The following SPRR2G variants were observed in gnomAD, a reference collection of about 807,000 sequenced individuals.
The protein encoded by SPRR2G is small proline rich protein 2G.
SPRR2G carries 1 observed loss-of-function variant against 0.7 expected under a neutral mutation model. That is an observed-to-expected ratio of 1.49 (90% CI 0.53 to 7.06). SPRR2G has a LOEUF of 7.06. Ranked by LOEUF, SPRR2G falls within the 30% of genes most tolerant of loss-of-function variation. The pLI, the probability that SPRR2G is intolerant of heterozygous loss-of-function variation, is 0.14. For synonymous variants in SPRR2G, 38 were observed against 33.9 expected (o/e 1.12, Z -0.42); for missense variants, 96 against 88.5 (o/e 1.09, Z -0.34).
At chr1:153,167,859 T>A in the SPRR2G span, among the ~76,000 whole-genome samples, 4 of 152,188 alleles carry the variant, frequency 2.6e-5, no homozygotes, top group African/African-American at 9.6e-5. Flanking sequence ...TTTAAGAAGA[T>A]TCAACAAAAA....
chr1:153,162,967 C>T, the SPRR2G span, among the ~76,000 whole-genome samples: 21 of 152,090 alleles, frequency 1.4e-4, no homozygotes, highest in Admixed American at 8.5e-4. Context: ...CCTAAAATGA[C>T]AATAAAGAAT....
the SPRR2G span, among the ~76,000 whole-genome samples, chr1:153,183,972 G>A: frequency 6.6e-6 from 1 of 152,194 alleles, no homozygotes; most frequent in Admixed American, 6.5e-5. Flanking sequence ...TTATTAAATA[G>A]GGAATTCCTT....
At chr1:153,186,586 G>A in the SPRR2G span, among the ~76,000 whole-genome samples, 1 of 151,802 alleles carries the variant, frequency 6.6e-6, no homozygotes, top group East Asian at 1.9e-4. Context: ...TTGAGCCTAT[G>A]TGTGTCTTTG....
chr1:153,193,512 G>T, the SPRR2G span, among the ~76,000 whole-genome samples: 1 of 152,154 alleles, frequency 6.6e-6, no homozygotes, highest in Non-Finnish European at 1.5e-5. Context: ...ACAGGGTCTA[G>T]CCTCTGGGAG....
the SPRR2G span, among the ~76,000 whole-genome samples, chr1:153,171,173 C>G: frequency 1.3e-5 from 2 of 152,094 alleles, no homozygotes; most frequent in East Asian, 1.9e-4. Context: ...ATTGGTTTAG[C>G]CTAAATTTTC....
the SPRR2G span, among the ~76,000 whole-genome samples, chr1:153,170,331 C>T: frequency 1.3e-5 from 2 of 152,098 alleles, no homozygotes; most frequent in African/African-American, 4.8e-5. Flanking sequence ...AAATTAATAA[C>T]ATTAGTTATC....
the SPRR2G span, among the ~76,000 whole-genome samples, chr1:153,173,358 CAG>C: frequency 1.3e-5 from 2 of 151,880 alleles, no homozygotes; most frequent in Non-Finnish European, 2.9e-5. Flanking sequence ...AGTTGTCCTA[CAG>C]ACAGAGGGAA....
At chr1:153,173,933 A>G in the SPRR2G span, among the ~76,000 whole-genome samples, 1 of 152,228 alleles carries the variant, frequency 6.6e-6, no homozygotes, top group Non-Finnish European at 1.5e-5. Context: ...ATGGGGCAGG[A>G]AAGATTCACT....
At chr1:153,189,347 C>T in the SPRR2G span, among the ~76,000 whole-genome samples, 3 of 151,978 alleles carry the variant, frequency 2.0e-5, no homozygotes, top group Non-Finnish European at 4.4e-5. Context: ...GGTTATAAGG[C>T]TCTGTGTTTA....
the SPRR2G span, among the ~76,000 whole-genome samples, chr1:153,198,930 C>A: frequency 4.6e-5 from 7 of 151,918 alleles, no homozygotes; most frequent in Middle Eastern, 3.4e-3. Context: ...AGAAAGGGCT[C>A]GGGAAGGAGA....
the SPRR2G span, among the ~76,000 whole-genome samples, chr1:153,167,144 G>A: frequency 6.6e-6 from 1 of 152,126 alleles, no homozygotes; most frequent in Non-Finnish European, 1.5e-5. Context: ...TTAATGATCT[G>A]AAGAAATAAA....
the SPRR2G span, among the ~76,000 whole-genome samples, chr1:153,168,442 C>G: frequency 2.6e-5 from 4 of 152,210 alleles, no homozygotes; most frequent in Non-Finnish European, 5.9e-5. Context: ...ATTTCCCTCA[C>G]AGTCTCATTA....
At chr1:153,156,329 G>C in the SPRR2G span, among the ~76,000 whole-genome samples, 1 of 152,106 alleles carries the variant, frequency 6.6e-6, no homozygotes. Flanking sequence ...ACAGATAATA[G>C]AGCCTTGACT....
chr1:153,167,536 T>C, the SPRR2G span, among the ~76,000 whole-genome samples: 4 of 152,248 alleles, frequency 2.6e-5, no homozygotes, highest in Middle Eastern at 6.8e-3. Context: ...AATTTGGCAA[T>C]TACAGTAAGT....
the SPRR2G span, among the ~76,000 whole-genome samples, chr1:153,158,152 A>C: frequency 1.3e-5 from 2 of 152,118 alleles, no homozygotes; most frequent in African/African-American, 4.8e-5. Flanking sequence ...CAGTCCCCCA[A>C]AGTCTTAACT....
chr1:153,154,987 T>C (rs1249057177), upstream of SPRR2G, among the ~76,000 whole-genome samples: 1 of 152,184 alleles, frequency 6.6e-6, no homozygotes, highest in South Asian at 2.1e-4. Context: ...CTCTACTTAC[T>C]GGTTTTCATA....
the SPRR2G span, among the ~76,000 whole-genome samples, chr1:153,193,173 C>T: frequency 8.8e-3 from 1,339 of 152,228 alleles, 15 homozygotes; most frequent in African/African-American, 0.03. Context: ...ACAGGATGGT[C>T]GATATGCATT....
At chr1:153,200,582 G>C in the SPRR2G span, among the ~76,000 whole-genome samples, 6 of 152,064 alleles carry the variant, frequency 3.9e-5, no homozygotes, top group Admixed American at 3.3e-4. Context: ...ATCGACATAA[G>C]TTATATATTA....
chr1:153,175,731 G>A, the SPRR2G span, among the ~76,000 whole-genome samples: 3 of 152,132 alleles, frequency 2.0e-5, no homozygotes, highest in African/African-American at 7.2e-5. Flanking sequence ...AATTCCATGT[G>A]TTATTCACCA....
Sources: gnomAD v4.1 joint callset for allele counts (sites outside exome capture counted in the v4.1 genomes callset) on GRCh38, gnomAD v4.1.1 for gene constraint, MANE v1.5 for transcripts, NCBI Gene and HGNC (gene_info 2026-07-23, HGNC 2026-07-21) for gene names.